Variants in GREB1L observed in about 807,000 individuals in gnomAD.
GREB1L encodes the protein GREB1 like retinoic acid receptor coactivator.
A neutral mutation model predicts 200.8 loss-of-function variants in GREB1L; 17 were observed. That is an observed-to-expected ratio of 0.08 (90% CI 0.06 to 0.13). The LOEUF (loss-of-function observed/expected upper bound fraction) is 0.13, where lower values mean the gene tolerates loss of function less well. GREB1L is among the 10% of genes least tolerant of loss of function. GREB1L has a pLI of 1.00. For missense variants in GREB1L, 1,657 were observed against 2,367.7 expected, an observed-to-expected ratio of 0.70 and a Z score of 6.23; for synonymous variants, 789 against 893.0, an observed-to-expected ratio of 0.88 and a Z score of 2.08.
Position 21,351,714 on chromosome 18 carries a change from G to A in GREB1L, c.-119-14313G>A, listed in dbSNP as rs117743761. Among the ~76,000 whole-genome samples, 440 of 152,278 alleles carry A rather than the reference G, an allele frequency of 2.9e-3. 8 individuals are homozygous for A. The East Asian group carries it at 0.03, about 11-fold the overall frequency. ...AATAGGCACAGAAAGGTAAGATAAC[G>A]AAAGTTTTCAAACACTAGGTTGTGA... On this transcript the variant is annotated intron_variant, in intron 1 of 32. Transcript: ENST00000424526.
At chr18:21,330,216 C>G (rs2039087856) in intron 1 of GREB1L, among the ~76,000 whole-genome samples, 1 of 152,176 alleles carries the variant, frequency 6.6e-6, no homozygotes, top group Admixed American at 6.5e-5. Context: ...AAGGGCAGCA[C>G]CAACGAGCTG....
At chr18:21,468,592 C>A in intron 15 of GREB1L, 2 of 392,700 alleles carry the variant, frequency 5.1e-6, no homozygotes, top group African/African-American at 2.1e-5. Context: ...CTAAACCCTT[C>A]ACTCAGTTTC....
intron 1 of GREB1L, among the ~76,000 whole-genome samples, chr18:21,306,553 A>G (rs533309932): frequency 1.9e-4 from 29 of 152,372 alleles, no homozygotes; most frequent in Middle Eastern, 3.4e-3. Flanking sequence ...CCTTGCAGAT[A>G]AGAGTCTGAA....
At chr18:21,441,086 A>G (rs2033872693) in intron 9 of GREB1L, among the ~76,000 whole-genome samples, 1 of 152,210 alleles carries the variant, frequency 6.6e-6, no homozygotes. Context: ...GAACAGATAT[A>G]TGCCTTTGAT....
intron 1 of GREB1L, among the ~76,000 whole-genome samples, chr18:21,306,593 C>G (rs1182858408): frequency 6.6e-6 from 1 of 152,222 alleles, no homozygotes; most frequent in African/African-American, 2.4e-5. Context: ...ACAATGAGAA[C>G]AGCTTGCACT....
At chr18:21,492,897 G>A (rs1173323622) in intron 19 of GREB1L, among the ~76,000 whole-genome samples, 2 of 152,162 alleles carry the variant, frequency 1.3e-5, no homozygotes, top group African/African-American at 2.4e-5. Flanking sequence ...GCTGCAGTGA[G>A]CTATGATCCC....
At chr18:21,293,122 T>C (rs2038476126) in intron 1 of GREB1L, among the ~76,000 whole-genome samples, 1 of 152,198 alleles carries the variant, frequency 6.6e-6, no homozygotes, top group Non-Finnish European at 1.5e-5. Flanking sequence ...AAGAAAGCAG[T>C]AATCACAAAA....
intron 1 of GREB1L, among the ~76,000 whole-genome samples, chr18:21,310,362 A>G (rs1382321389): frequency 6.6e-6 from 1 of 152,196 alleles, no homozygotes; most frequent in Non-Finnish European, 1.5e-5. Context: ...TTGAGCCCAA[A>G]AGCTCAAGGC....
chr18:21,446,653 T>A (rs1382499841), intron 11 of GREB1L, among the ~76,000 whole-genome samples: 3 of 152,134 alleles, frequency 2.0e-5, no homozygotes, highest in African/African-American at 4.8e-5. Context: ...TTTATTTATT[T>A]ATTATTTATT....
At chr18:21,257,888 G>C (rs12605014) in intron 1 of GREB1L, among the ~76,000 whole-genome samples, 2 of 152,076 alleles carry the variant, frequency 1.3e-5, no homozygotes, top group African/African-American at 4.8e-5. Context: ...CCTCACAACA[G>C]CCCTGTAAAG....
chr18:21,249,452 T>G (rs2037663186), intron 1 of GREB1L, among the ~76,000 whole-genome samples: 1 of 152,214 alleles, frequency 6.6e-6, no homozygotes, highest in South Asian at 2.1e-4. Flanking sequence ...GGTATCTGCC[T>G]TCTATCACTG....
At chr18:21,378,178 G>A (rs2040154224) in intron 2 of GREB1L, among the ~76,000 whole-genome samples, 2 of 152,142 alleles carry the variant, frequency 1.3e-5, no homozygotes, top group African/African-American at 4.8e-5. Context: ...TAGAGGAAAC[G>A]GAGGCTGGTG....
chr18:21,501,797 A>G (rs761159876), intron 23 of GREB1L, among the ~76,000 whole-genome samples: 3 of 152,170 alleles, frequency 2.0e-5, no homozygotes, highest in Admixed American at 6.5e-5. Context: ...GAAAACTTCT[A>G]TGTGTAGAAC....
At chr18:21,403,326 G>C (rs2041395534) in intron 6 of GREB1L, among the ~76,000 whole-genome samples, 1 of 152,120 alleles carries the variant, frequency 6.6e-6, no homozygotes, top group African/African-American at 2.4e-5. Context: ...TTGACTATTG[G>C]CTGTCTCCTT....
chr18:21,501,380 A>C (rs987522001), intron 23 of GREB1L, among the ~76,000 whole-genome samples: 1 of 151,904 alleles, frequency 6.6e-6, no homozygotes, highest in Non-Finnish European at 1.5e-5. Context: ...CCCCGCATGC[A>C]TTAGGTATTT....
At chr18:21,469,078 A>C (rs4453600) in intron 15 of GREB1L, among the ~76,000 whole-genome samples, 95,961 of 152,146 alleles carry the variant, frequency 0.63, 35,877 homozygotes, top group Non-Finnish European at 0.85. Context: ...ATCTTGTGGA[A>C]ATATTTTGAG....
chr18:21,242,966 C>T (rs77038030), intron 1 of GREB1L, among the ~76,000 whole-genome samples: 1 of 152,096 alleles, frequency 6.6e-6, no homozygotes, highest in Non-Finnish European at 1.5e-5. Context: ...GGCGCTCGCT[C>T]GGCGTCTGTG....
chr18:21,518,188 G>A lies in GREB1L; in HGVS notation c.5426G>A (p.Arg1809Lys). 6.4e-7 allele frequency: 1 copy of A among 1,551,646 alleles called. No homozygotes were observed. The highest frequency in any genetic ancestry group is 8.7e-7 in the Non-Finnish European group (1 of 1,146,996). Residue 1809 changes from arginine to lysine, a missense_variant, in exon 31 of 33, where the codon AGG becomes AAG. Coordinates refer to ENST00000424526, the MANE Select transcript of GREB1L (RefSeq NM_001142966.3). Reference protein sequence around the residue: ...KLFPKAIHNFRSPVLAIDCYL... With the variant: ...KLFPKAIHNFKSPVLAIDCYL... ...TTCCCCAAAGCCATCCATAACTTCA[G>A]GAGTCCTGTGCTGGCCATTGACTGC...
At chr18:21,269,575 G>C (rs2038045952) in intron 1 of GREB1L, among the ~76,000 whole-genome samples, 1 of 152,036 alleles carries the variant, frequency 6.6e-6, no homozygotes. Context: ...AAAATACAAG[G>C]CCTATGGAAA....
Sources: gnomAD v4.1 joint callset for allele counts (sites outside exome capture counted in the v4.1 genomes callset) on GRCh38, gnomAD v4.1.1 for gene constraint, MANE v1.5 for transcripts, NCBI Gene and HGNC (gene_info 2026-07-23, HGNC 2026-07-21) for gene names.